XCL1: variants seen among roughly 807,000 people sequenced by gnomAD.
The protein encoded by XCL1 is X-C motif chemokine ligand 1.
Under a neutral mutation model 7.4 loss-of-function variants are expected in XCL1, and 6 were observed. The observed-to-expected ratio is 0.82, with a 90% CI of 0.45 to 1.61. XCL1 has a LOEUF of 1.61. Ranked by LOEUF, XCL1 falls within the 40% of genes most tolerant of loss-of-function variation. XCL1 has a pLI of 0.01. For missense variants in XCL1, 122 were observed against 138.2 expected (o/e 0.88, Z 0.59); for synonymous variants, 48 against 52.4 (o/e 0.92, Z 0.36).
chr1:168,580,476 C>T (rs529203987), intron 2 of XCL1, among the ~76,000 whole-genome samples: 137 of 152,152 alleles, frequency 9.0e-4, no homozygotes, highest in African/African-American at 2.8e-3. Context: ...GATGACTGGC[C>T]CATGTCAGGG....
At chr1:168,580,866 T>C (rs1305045064) in intron 2 of XCL1, among the ~76,000 whole-genome samples, 186 bp from the exon 3 acceptor site, 2 of 152,172 alleles carry the variant, frequency 1.3e-5, no homozygotes. Flanking sequence ...TACTTGCAGA[T>C]ATTACTCCTT....
At position 168,580,013 on chromosome 1, in the gene XCL1, T is replaced by C. The variant is rs770753778; in HGVS notation, c.62-50T>C. The C allele has an allele frequency of 8.6e-5, 134 of 1,557,462 alleles. 1 individual carries two copies. In the South Asian group the frequency reaches 1.4e-3, roughly 16 times the overall value. Reference sequence around the variant, plus strand: ...TTAACAGATGATTGTTCCTGTGATCTGGATAATTGCTTTATTTTTAATTGT... The same window carrying C: ...TTAACAGATGATTGTTCCTGTGATCCGGATAATTGCTTTATTTTTAATTGT... On this transcript the variant is annotated intron_variant, in intron 1 of 2. Coordinates refer to ENST00000367818, the MANE Select transcript of XCL1 (RefSeq NM_002995.3).
chr1:168,581,245 C>G lies in XCL1; in HGVS notation c.*25C>G. On this transcript the variant is annotated 3_prime_UTR_variant, in exon 3 of 3. Transcript: ENST00000367818. ...GTAGTCTCTGGCACCCTGTCCGTCT[C>G]CAGCCAGCCAGCTCATTTCACTTTA... is the stretch of plus-strand genomic sequence containing the variant. 1 of 1,610,258 alleles carries G rather than the reference C, an allele frequency of 6.2e-7. No homozygotes were observed. Among genetic ancestry groups the G allele is most frequent in the Non-Finnish European group, 8.5e-7 (1 of 1,177,122 alleles).
At chr1:168,578,784 A>G in intron 1 of XCL1, 1 of 467,786 alleles carries the variant, frequency 2.1e-6, no homozygotes, top group South Asian at 1.6e-5. Flanking sequence ...AGCTTCCACC[A>G]GCTTAGCCAA....
chr1:168,580,259 A>G, intron 2 of XCL1, 82 bp downstream of exon 2: 1 of 1,460,690 alleles, frequency 6.8e-7, no homozygotes, highest in Non-Finnish European at 9.3e-7. Flanking sequence ...TGCCGTCCTC[A>G]GGAAAAGTAG....
At chr1:168,579,809 A>G (rs1655111998) in intron 1 of XCL1, among the ~76,000 whole-genome samples, 1 of 152,080 alleles carries the variant, frequency 6.6e-6, no homozygotes, top group African/African-American at 2.4e-5. Flanking sequence ...GAGACGGGAT[A>G]ACATCTTGTT....
intron 2 of XCL1, 41 bp downstream of exon 2, chr1:168,580,218 A>G: frequency 1.2e-6 from 2 of 1,604,804 alleles, no homozygotes; most frequent in South Asian, 2.2e-5. Context: ...GTGGGTATCT[A>G]GAAGTATAGA....
Position 168,576,704 on chromosome 1 carries a change from T to C in XCL1, c.61+6T>C, listed in dbSNP as rs1364877999. 3.1e-6 allele frequency: 5 copies of C among 1,613,578 alleles called. No homozygotes were observed. The highest frequency in any genetic ancestry group is 2.7e-5 in the African/African-American group (2 of 74,830). On this transcript the variant is annotated splice_donor_region_variant and intron_variant, in intron 1 of 2. Transcript: ENST00000367818. ...CACTGCATACATTGTGGAAGGTAAG[T>C]GGAGAAGCTGTCTGTGAGATAAAGA...
At chr1:168,579,773 C>T (rs1230248679) in intron 1 of XCL1, among the ~76,000 whole-genome samples, 1 of 152,018 alleles carries the variant, frequency 6.6e-6, no homozygotes, top group Non-Finnish European at 1.5e-5. Flanking sequence ...CTAGCCGTCC[C>T]AAATGTCTAA....
At position 168,578,930 on chromosome 1, in the gene XCL1, A is replaced by G. The variant is rs559877124; in HGVS notation, c.62-1133A>G. ...CCATTTTAGGACACAGGACAGACAG[A>G]AAGTTAACCAGCTTGATGGGGTCCA... On this transcript the variant is annotated intron_variant, in intron 1 of 2. Transcript: ENST00000367818. The G allele has an allele frequency of 1.6e-3, 605 of 368,420 alleles. 3 individuals carry two copies. Among genetic ancestry groups the G allele is most frequent in the South Asian group, 0.013 (592 of 45,624 alleles). 22.8% of individuals were successfully genotyped at this position (368,420 alleles called of 1,614,324 possible). A position where few individuals can be genotyped will look rare whatever the true frequency, so the allele number is the denominator to read the frequency against.
chr1:168,580,979 C>T lies in XCL1; in HGVS notation c.177-73C>T. The T allele has an allele frequency of 1.9e-6, 3 of 1,568,188 alleles. No individual in the cohort carries two copies. In the South Asian group the frequency reaches 3.6e-5, roughly 19 times the overall value. ...TCTGCACAAGATCTCTTCATGTCTG[C>T]CCTGATCTTAACTCCTGACCCTGAG... On this transcript the variant is annotated intron_variant, in intron 2 of 2. Coordinates refer to ENST00000367818, the MANE Select transcript of XCL1 (RefSeq NM_002995.3).
chr1:168,581,217 C>A lies in XCL1; in HGVS notation c.342C>A (p.Gly114=), dbSNP rs960770955. The A allele has an allele frequency of 6.2e-7, 1 of 1,613,256 alleles. No individual in the cohort carries two copies. The highest frequency in any genetic ancestry group is 8.5e-7 in the Non-Finnish European group (1 of 1,179,566). The change falls in exon 3 of 3, where the codon GGC becomes GGA. Residue 114 remains glycine (G), a synonymous_variant. Coordinates refer to ENST00000367818, the MANE Select transcript of XCL1 (RefSeq NM_002995.3). The part of the protein sequence containing the change: ...QSTNTAVTLT[G] ...CCAATACAGCTGTGACTCTGACTGG[C>A]TAGTAGTCTCTGGCACCCTGTCCGT...
At position 168,581,438 on chromosome 1, in the gene XCL1, G is replaced by A; in HGVS notation, c.*218G>A. On this transcript the variant is annotated 3_prime_UTR_variant, in exon 3 of 3. Transcript: ENST00000367818. ...CCCTAGTCTATTCATTATATTTAGG[G>A]AAAGGTAGTGTATCATTGTTGTTTG... The A allele has an allele frequency of 8.7e-6, 4 of 459,228 alleles. No individual in the cohort carries two copies. Among genetic ancestry groups the A allele is most frequent in the Non-Finnish European group, 1.4e-5 (4 of 289,120 alleles). The allele number at this position is 459,228 out of a possible 1,614,324, so 28.4% of individuals were successfully genotyped here.
intron 1 of XCL1, among the ~76,000 whole-genome samples, chr1:168,579,719 G>T (rs1004425187): frequency 2.6e-5 from 4 of 152,034 alleles, no homozygotes; most frequent in African/African-American, 7.2e-5. Context: ...GACACAACAG[G>T]CACCATTGTA....
rs760383701 is a variant in XCL1, at chr1:168,581,198, C to T, written c.323C>T (p.Thr108Ile). 10 of 1,613,644 alleles carry T rather than the reference C, an allele frequency of 6.2e-6. No homozygotes were observed. Among genetic ancestry groups the T allele is most frequent in the Non-Finnish European group, 7.6e-6 (9 of 1,179,780 alleles). The change falls in exon 3 of 3, where the codon ACA (threonine) becomes ATA (isoleucine). Residue 108 changes from threonine (T) to isoleucine (I), a missense_variant. Physicochemically the swap from Thr to Ile is moderately conservative, Grantham distance 89. Transcript: ENST00000367818. ...KPTGTQQSTN[T>I]AVTLTG The stretch of plus-strand genomic sequence containing the variant: ...ACAGGAACCCAGCAATCGACCAATA[C>T]AGCTGTGACTCTGACTGGCTAGTAG...
chr1:168,579,512 C>T lies in XCL1; in HGVS notation c.62-551C>T, dbSNP rs150094470. On this transcript the variant is annotated intron_variant, in intron 1 of 2. Transcript: ENST00000367818. The stretch of plus-strand genomic sequence containing the variant: ...ACACCTTTATTTAGTCTGTCAAAAG[C>T]ATGCTTCCTTCCCTCACTGAATGTT... The T allele has an allele frequency of 2.7e-3, 472 of 174,320 alleles. 2 individuals carry two copies. Among genetic ancestry groups the T allele is most frequent in the Non-Finnish European group, 4.6e-3 (376 of 82,236 alleles). 10.8% of individuals were successfully genotyped at this position (174,320 alleles called of 1,614,324 possible).
chr1:168,579,633 G>A (rs1052730211), intron 1 of XCL1, among the ~76,000 whole-genome samples: 3 of 151,900 alleles, frequency 2.0e-5, no homozygotes, highest in Non-Finnish European at 4.4e-5. Context: ...CTGTTTGCCT[G>A]TCTGCTGCCT....
chr1:168,580,184 C>T lies in XCL1; in HGVS notation c.176+7C>T, dbSNP rs6427130. The T allele has an allele frequency of 0.52, 829,113 of 1,603,556 alleles. 207,970 individuals are homozygous for T. Among genetic ancestry groups the T allele is most frequent in the Middle Eastern group, 0.56 (3,361 of 6,010 alleles). The stretch of plus-strand genomic sequence containing the variant: ...GCTCCTTGAGAGCAGTAATGTGAGT[C>T]TGCCTCCTCAGAAGTTGTGCTGGGT... On this transcript the variant is annotated splice_region_variant and intron_variant, in intron 2 of 2. Transcript: ENST00000367818.
At chr1:168,580,959 A>G (rs1307530140) in intron 2 of XCL1, 93 bp from the exon 3 acceptor site, 8 of 1,492,472 alleles carry the variant, frequency 5.4e-6, no homozygotes, top group South Asian at 1.3e-5. Flanking sequence ...TAATTTCTGC[A>G]CAAGATCTCT....
Sources: allele counts gnomAD v4.1 joint callset (sites outside exome capture counted in the v4.1 genomes callset), GRCh38; gene constraint gnomAD v4.1.1; transcripts MANE v1.5; gene names NCBI Gene and HGNC (gene_info 2026-07-23, HGNC 2026-07-21).